Variants in RPS3 observed in about 807,000 individuals in gnomAD.
RPS3 encodes ribosomal protein S3, also known as small ribosomal subunit protein uS3.
RPS3 carries 2 observed loss-of-function variants against 25.8 expected under a neutral mutation model. The observed-to-expected ratio is 0.08, with a 90% CI of 0.03 to 0.24. The LOEUF (loss-of-function observed/expected upper bound fraction) is 0.24. RPS3 is among the 10% of genes least tolerant of loss of function. The probability of loss-of-function intolerance (pLI) is 1.00; values close to 1 mark genes in which losing one functional copy is unlikely to be tolerated. For synonymous variants in RPS3, 114 were observed against 114.2 expected (o/e 1.00, Z 0.01); for missense variants, 107 against 307.1 (o/e 0.35, Z 4.87).
chr11:75,402,658 A>C (rs1948228967), intron 4 of RPS3: 3 of 426,562 alleles, frequency 7.0e-6, no homozygotes, highest in Non-Finnish European at 1.3e-5. Flanking sequence ...TCAGTCCTGT[A>C]ATGGAGAAGT....
chr11:75,404,365 C>T lies in RPS3; in HGVS notation c.538+158C>T, dbSNP rs1404696393. 4.9e-6 allele frequency: 4 copies of T among 824,212 alleles called. No homozygotes were observed. The highest frequency in any genetic ancestry group is 8.4e-6 in the Non-Finnish European group (4 of 478,858). 51.1% of individuals were successfully genotyped at this position (824,212 alleles called of 1,614,324 possible). ...ACGTTGATCTGTAAGAATCGATTTG[C>T]TGAGATCTGTCAGATCCAAGAGTTG... On this transcript the variant is annotated intron_variant, in intron 5 of 6. Coordinates refer to ENST00000531188, the MANE Select transcript of RPS3 (RefSeq NM_001005.5). The surrounding 1 kb of genome is among the most constrained non-coding windows in gnomAD (Gnocchi z 4.6).
intron 6 of RPS3, among the ~76,000 whole-genome samples, chr11:75,417,439 C>CA (rs1433713332): frequency 6.6e-6 from 1 of 151,866 alleles, no homozygotes; most frequent in Admixed American, 6.6e-5. Flanking sequence ...ACTAAAAATA[C>CA]AAAAAAAATT....
intron 6 of RPS3, among the ~76,000 whole-genome samples, chr11:75,421,086 A>G (rs996807946): frequency 6.6e-6 from 1 of 152,038 alleles, no homozygotes; most frequent in Non-Finnish European, 1.5e-5. Flanking sequence ...CGTTCCCCAT[A>G]GGGTGGGCGC....
At chr11:75,412,360 G>A (rs1948364680) in intron 6 of RPS3, among the ~76,000 whole-genome samples, 1 of 152,180 alleles carries the variant, frequency 6.6e-6, no homozygotes, top group Non-Finnish European at 1.5e-5. Context: ...GCCTTTCCTG[G>A]CTGGACCTCT....
At position 75,400,604 on chromosome 11, in the gene RPS3, G is replaced by A; in HGVS notation, c.31-90G>A. On this transcript the variant is annotated intron_variant, in intron 1 of 6. Coordinates refer to ENST00000531188, the MANE Select transcript of RPS3 (RefSeq NM_001005.5). ...GTTGGAGGTATTTAGTTTTGGTGAG[G>A]GATGCATTGACTAATAAGACTAGAC... The A allele has an allele frequency of 5.8e-6, 9 of 1,560,138 alleles. No homozygotes were observed. In the South Asian group the frequency reaches 1.0e-4, roughly 17 times the overall value.
chr11:75,414,455 C>G (rs894810341), intron 6 of RPS3, among the ~76,000 whole-genome samples: 2 of 152,018 alleles, frequency 1.3e-5, no homozygotes, highest in African/African-American at 4.8e-5. Flanking sequence ...ACTAAAAATA[C>G]AAAAAATTAG....
Position 75,417,363 on chromosome 11 carries a change from C to T in RPS3, c.*4-4364C>T, listed in dbSNP as rs189986409. The stretch of plus-strand genomic sequence containing the variant: ...CTGTAATCCAAGCACTTTGGGAGGC[C>T]GAGCCAGGGGAATCAAAGGTCAGGA... On this transcript the variant is annotated intron_variant, in intron 6 of 6. Transcript: ENST00000527446. Among the ~76,000 whole-genome samples, 81 of 152,070 alleles carry T rather than the reference C, an allele frequency of 5.3e-4. 1 individual carries two copies. The South Asian group carries it at 8.3e-3, about 16-fold the overall frequency.
At chr11:75,421,936 AGT>A (rs148600255) in exon 7 of RPS3, 21 of 152,358 alleles carry the variant, frequency 1.4e-4, no homozygotes, top group East Asian at 3.9e-4. Flanking sequence ...TAATATATAT[AGT>A]GTGTGTTTTT....
At chr11:75,403,902 A>G in intron 4 of RPS3, 118 bp from the exon 5 acceptor site, 1 of 915,300 alleles carries the variant, frequency 1.1e-6, no homozygotes. Context: ...TTGGGGCCGG[A>G]CTCTGGTCAA....
intron 6 of RPS3, among the ~76,000 whole-genome samples, chr11:75,419,195 G>T (rs1328950601): frequency 6.6e-6 from 1 of 152,178 alleles, no homozygotes; most frequent in East Asian, 1.9e-4. Flanking sequence ...ATTGTGTGAT[G>T]AAATCCTTTC....
rs554272999 is a variant in RPS3, at chr11:75,421,495, C to A, written c.*4-232C>A. Among the ~76,000 whole-genome samples the A allele has an allele frequency of 1.6e-3, 249 of 152,292 alleles. 8 individuals carry two copies. The South Asian group carries it at 0.05, about 30-fold the overall frequency. ...CCCTTTCTCTCCCTCTCTGAGCTCA[C>A]CCCTCCCTACCCAGCAGTTTGTTGC... On this transcript the variant is annotated intron_variant, in intron 6 of 6. Coordinates refer to the RPS3 transcript ENST00000527446.
rs1392801586 is a variant in RPS3 at position 75,404,225 on chromosome 11, C to T, written c.538+18C>T. 1.9e-5 allele frequency: 31 copies of T among 1,605,304 alleles called. No homozygotes were observed. The highest frequency in any genetic ancestry group is 2.5e-5 in the Non-Finnish European group (29 of 1,173,636). ...CAGACAGGGTGAGCAGCTGAGAGTG[C>T]TTGGCAAAGGGCATTTGTGGACAGA... On this transcript the variant is annotated intron_variant, in intron 5 of 6. Transcript: ENST00000531188. This position sits in a 1 kb window ranked among gnomAD's most constrained non-coding sequence, Gnocchi z 4.6.
chr11:75,421,707 C>A (rs907256945), intron 6 of RPS3: 7 of 152,204 alleles, frequency 4.6e-5, no homozygotes, highest in African/African-American at 1.7e-4. Flanking sequence ...GGATCCATAA[C>A]TGTTTTTGTT....
At chr11:75,419,249 T>A (rs531655580) in intron 6 of RPS3, among the ~76,000 whole-genome samples, 2 of 152,348 alleles carry the variant, frequency 1.3e-5, no homozygotes, top group East Asian at 3.9e-4. Context: ...GTTTCTTTTT[T>A]GTCTTTAGAA....
intron 4 of RPS3, 88 bp downstream of exon 4, chr11:75,402,534 AC>A (rs763182317): frequency 7.2e-6 from 10 of 1,396,362 alleles, no homozygotes; most frequent in Non-Finnish European, 8.9e-6. Context: ...ATGAACTGTT[AC>A]AAAGTTACAG....
At chr11:75,407,929 C>G (rs548690607), downstream of RPS3, among the ~76,000 whole-genome samples, 2 of 152,202 alleles carry the variant, frequency 1.3e-5, no homozygotes, top group South Asian at 4.1e-4. Flanking sequence ...GTTGCTGTAA[C>G]AAAGGAAATG....
chr11:75,408,070 G>T (rs1948306316), downstream of RPS3, among the ~76,000 whole-genome samples: 1 of 152,252 alleles, frequency 6.6e-6, no homozygotes, highest in Non-Finnish European at 1.5e-5. Flanking sequence ...ACTAGGTGGT[G>T]CTGTGACAAA....
chr11:75,402,163 G>T, intron 3 of RPS3, 189 bp from the exon 4 acceptor site: 1 of 778,238 alleles, frequency 1.3e-6, no homozygotes, highest in South Asian at 1.8e-5. Flanking sequence ...ACTACTACTG[G>T]TAGCGCAAAA....
At chr11:75,413,833 A>C (rs1313432175) in intron 6 of RPS3, among the ~76,000 whole-genome samples, 1 of 152,196 alleles carries the variant, frequency 6.6e-6, no homozygotes, top group African/African-American at 2.4e-5. Flanking sequence ...AAAAGAAGAA[A>C]CTGGCTAACA....
Sources: gnomAD v4.1 joint callset for allele counts (sites outside exome capture counted in the v4.1 genomes callset) on GRCh38, gnomAD v4.1.1 for gene constraint, Gnocchi (gnomAD v3.1) non-coding constraint, MANE v1.5 for transcripts, NCBI Gene and HGNC (gene_info 2026-07-23, HGNC 2026-07-21) for gene names.